The following RNF152 variants were observed in gnomAD, a reference collection of about 807,000 sequenced individuals.
RNF152 encodes E3 ubiquitin-protein ligase RNF152.
In RNF152, 11 loss-of-function variants were observed where a neutral mutation model predicts 12.7. The ratio of observed to expected loss-of-function variants is 0.86; its 90% CI spans 0.54 to 1.43. The LOEUF (loss-of-function observed/expected upper bound fraction) is 1.43, where lower values mean the gene tolerates loss of function less well. Among genes scored for constraint, RNF152 ranks in the 40% most tolerant of loss-of-function variants. RNF152 has a pLI of 0.00. For synonymous variants in RNF152, 113 were observed against 120.3 expected (o/e 0.94, Z 0.40); for missense variants, 255 against 274.8 (o/e 0.93, Z 0.51).
chr18:61,866,812 A>C lies in RNF152; in HGVS notation c.-136+25983T>G, dbSNP rs369693567. 2.0e-5 allele frequency among the ~76,000 whole-genome samples: 3 copies of C among 152,312 alleles called. No individual in the cohort carries two copies. In the East Asian group the frequency reaches 5.8e-4, roughly 29 times the overall value. The stretch of plus-strand genomic sequence containing the variant: ...TACTTGCCCGCTGTCCCCACCGCTG[A>C]GCAGCACATGACAAGACAGCCCATA... On this transcript the variant is annotated intron_variant, in intron 1 of 1. Transcript: ENST00000312828.
intron 1 of RNF152, among the ~76,000 whole-genome samples, chr18:61,834,243 G>C (rs772454992): frequency 6.6e-6 from 1 of 152,056 alleles, no homozygotes; most frequent in Non-Finnish European, 1.5e-5. Context: ...CTTTTGGTCT[G>C]GAACCAAAAA....
At chr18:61,863,759 C>T (rs1468781060) in intron 1 of RNF152, among the ~76,000 whole-genome samples, 7 of 152,210 alleles carry the variant, frequency 4.6e-5, no homozygotes, top group South Asian at 4.2e-4. Flanking sequence ...CACTAATGTC[C>T]GAGGACATCT....
intron 1 of RNF152, among the ~76,000 whole-genome samples, chr18:61,862,626 G>A (rs1400756963): frequency 6.6e-6 from 1 of 152,220 alleles, no homozygotes; most frequent in Non-Finnish European, 1.5e-5. Context: ...GGCACCCACG[G>A]AGGGCATAGA....
chr18:61,816,575 C>G lies in RNF152; in HGVS notation c.-112G>C. ...AGGTAATGGCAAGCTCACAGGCATC[C>G]AGTACTCACAGGTGTGTTCATTTCT... is the stretch of plus-strand genomic sequence containing the variant. On this transcript the variant is annotated 5_prime_UTR_variant, in exon 2 of 2. Transcript: ENST00000312828. 3 of 1,087,168 alleles carry G rather than the reference C, an allele frequency of 2.8e-6. No individual in the cohort carries two copies. Among genetic ancestry groups the G allele is most frequent in the Non-Finnish European group, 4.0e-6 (3 of 745,296 alleles). The allele number at this position is 1,087,168 out of a possible 1,614,324, so 67.3% of individuals were successfully genotyped here. A position where few individuals can be genotyped will look rare whatever the true frequency, so the allele number is the denominator to read the frequency against.
intron 1 of RNF152, among the ~76,000 whole-genome samples, chr18:61,873,185 A>G (rs1912069210): frequency 6.6e-6 from 1 of 152,234 alleles, no homozygotes; most frequent in South Asian, 2.1e-4. Context: ...TATTATGAGA[A>G]TGAAATTGGG....
chr18:61,893,301 G>A (rs1474025704), upstream of RNF152: 1 of 152,292 alleles, frequency 6.6e-6, no homozygotes, highest in Non-Finnish European at 1.5e-5. Context: ...CAGCCGCGCA[G>A]ACAGGCACAC....
chr18:61,852,204 T>G (rs1372437862), intron 1 of RNF152, among the ~76,000 whole-genome samples: 3 of 152,148 alleles, frequency 2.0e-5, no homozygotes, highest in African/African-American at 4.8e-5. Context: ...ACTGGAAACA[T>G]AAGGACATAA....
intron 1 of RNF152, among the ~76,000 whole-genome samples, chr18:61,877,599 T>C (rs1239434985): frequency 2.0e-5 from 3 of 152,220 alleles, no homozygotes; most frequent in African/African-American, 7.2e-5. Flanking sequence ...CTGAAAGTAT[T>C]TATAGCTCAA....
intron 1 of RNF152, among the ~76,000 whole-genome samples, chr18:61,859,621 G>A (rs1027286145): frequency 4.6e-5 from 7 of 152,202 alleles, no homozygotes; most frequent in African/African-American, 1.7e-4. Context: ...GCTCATGCCT[G>A]CAATCCTAGC....
At chr18:61,880,208 C>A (rs1912399438) in intron 1 of RNF152, among the ~76,000 whole-genome samples, 1 of 152,162 alleles carries the variant, frequency 6.6e-6, no homozygotes, top group African/African-American at 2.4e-5. Flanking sequence ...GACACCCAAG[C>A]TTTCAAACAA....
chr18:61,869,948 G>A (rs746100430), intron 1 of RNF152, among the ~76,000 whole-genome samples: 1 of 152,208 alleles, frequency 6.6e-6, no homozygotes, highest in Non-Finnish European at 1.5e-5. Flanking sequence ...ACTAGGATTT[G>A]CTAGAAGCAT....
intron 1 of RNF152, chr18:61,875,046 G>A (rs1758490536): frequency 6.6e-6 from 1 of 152,270 alleles, no homozygotes; most frequent in Non-Finnish European, 1.5e-5. Flanking sequence ...AGATGTTGGA[G>A]GCAGCAAAGG....
At chr18:61,881,646 T>C (rs562378379) in intron 1 of RNF152, among the ~76,000 whole-genome samples, 7 of 152,344 alleles carry the variant, frequency 4.6e-5, no homozygotes, top group African/African-American at 1.7e-4. Context: ...CAAAATTGAT[T>C]ATCACTGTCT....
chr18:61,865,112 A>C (rs1250470880), intron 1 of RNF152, among the ~76,000 whole-genome samples: 1 of 152,224 alleles, frequency 6.6e-6, no homozygotes, highest in Non-Finnish European at 1.5e-5. Flanking sequence ...GCTCAGTACC[A>C]GGAAATGGAG....
intron 1 of RNF152, among the ~76,000 whole-genome samples, chr18:61,866,536 G>C (rs1911741024): frequency 1.3e-5 from 2 of 152,252 alleles, no homozygotes; most frequent in South Asian, 4.2e-4. Flanking sequence ...ACACACCCCA[G>C]CAGGGCCTAC....
At chr18:61,868,187 G>A (rs1330924565) in intron 1 of RNF152, among the ~76,000 whole-genome samples, 1 of 152,202 alleles carries the variant, frequency 6.6e-6, no homozygotes, top group Non-Finnish European at 1.5e-5. Context: ...GCCTTCGGGT[G>A]TTGCTGTAGA....
chr18:61,874,742 G>T (rs185186352), intron 1 of RNF152, among the ~76,000 whole-genome samples: 14 of 152,280 alleles, frequency 9.2e-5, no homozygotes, highest in Admixed American at 3.9e-4. Context: ...TTAACTACTT[G>T]GGTTTAGGGC....
chr18:61,868,648 A>G (rs1428538276), intron 1 of RNF152, among the ~76,000 whole-genome samples: 1 of 152,184 alleles, frequency 6.6e-6, no homozygotes, highest in African/African-American at 2.4e-5. Flanking sequence ...GGTTGCAGTG[A>G]GCCAAGATCA....
chr18:61,879,198 C>T (rs1912345921), intron 1 of RNF152, among the ~76,000 whole-genome samples: 1 of 152,296 alleles, frequency 6.6e-6, no homozygotes, highest in East Asian at 1.9e-4. Flanking sequence ...TGTGCACAGA[C>T]TTCTTCATTT....
Sources: gnomAD v4.1 joint callset for allele counts (sites outside exome capture counted in the v4.1 genomes callset) on GRCh38, gnomAD v4.1.1 for gene constraint, MANE v1.5 for transcripts, NCBI Gene and HGNC (gene_info 2026-07-23, HGNC 2026-07-21) for gene names.